APBB2: variants seen among roughly 807,000 people sequenced by gnomAD.
APBB2 encodes amyloid beta precursor protein binding family B member 2.
Under a neutral mutation model 82.5 loss-of-function variants are expected in APBB2, and 38 were observed. That is an observed-to-expected ratio of 0.46 (90% CI 0.36 to 0.60). The LOEUF (loss-of-function observed/expected upper bound fraction) is 0.60, where lower values mean the gene tolerates loss of function less well. Ranked by LOEUF, APBB2 falls within the 20% of genes least tolerant of loss-of-function variation. The probability of loss-of-function intolerance (pLI) is 0.00; values close to 1 mark genes in which losing one functional copy is unlikely to be tolerated. For missense variants in APBB2, 772 were observed against 972.3 expected (o/e 0.79, Z 2.74); for synonymous variants, 341 against 368.2 (o/e 0.93, Z 0.85).
intron 1 of APBB2, among the ~76,000 whole-genome samples, chr4:41,202,463 T>C (rs770483313): frequency 2.0e-5 from 3 of 152,214 alleles, no homozygotes; most frequent in Non-Finnish European, 4.4e-5. Flanking sequence ...CTTTTACTCA[T>C]TGCTAACAGG....
chr4:41,093,446 A>T (rs1184827137), intron 3 of APBB2, among the ~76,000 whole-genome samples: 6 of 152,206 alleles, frequency 3.9e-5, no homozygotes, highest in African/African-American at 1.4e-4. Flanking sequence ...CAAGTGGATA[A>T]GGATTTTTTT....
rs764783601 is a variant in APBB2 at position 40,890,459 on chromosome 4, G to A, written c.1434C>T (p.Asp478=). The A allele has an allele frequency of 1.5e-5, 25 of 1,614,152 alleles. No homozygotes were observed. Among genetic ancestry groups the A allele is most frequent in the Non-Finnish European group, 1.9e-5 (22 of 1,180,026 alleles). ...CCATGGGGTCCACCAGGCTGAGCATGTCATTCTCCAGGATCAGGTACATGT... is the reference window on the plus strand; with the variant it reads ...CCATGGGGTCCACCAGGCTGAGCATATCATTCTCCAGGATCAGGTACATGT... ...GKDMYLILEN[D]MLSLVDPMDR... Residue 478 remains aspartate (D), a synonymous_variant, in exon 12 of 18, where the codon GAC becomes GAT. Coordinates refer to ENST00000508593, the MANE Select transcript of APBB2 (RefSeq NM_004307.2).
intron 10 of APBB2, among the ~76,000 whole-genome samples, chr4:40,896,705 G>T (rs1773763210): frequency 6.6e-6 from 1 of 152,154 alleles, no homozygotes; most frequent in Non-Finnish European, 1.5e-5. Context: ...CAATAGTTCT[G>T]GGGTATCCCT....
At chr4:41,130,051 A>C (rs1327322528) in intron 2 of APBB2, among the ~76,000 whole-genome samples, 1 of 152,188 alleles carries the variant, frequency 6.6e-6, no homozygotes, top group African/African-American at 2.4e-5. Context: ...GACATTATCC[A>C]GGAGGATATC....
At chr4:41,149,304 A>G (rs1761592316) in intron 1 of APBB2, among the ~76,000 whole-genome samples, 1 of 152,174 alleles carries the variant, frequency 6.6e-6, no homozygotes, top group African/African-American at 2.4e-5. Flanking sequence ...AAATTATTTT[A>G]GAAACTAAAC....
chr4:40,928,427 CAA>C (rs1491332369), intron 10 of APBB2, among the ~76,000 whole-genome samples: 2 of 76,592 alleles, frequency 2.6e-5, no homozygotes, highest in Non-Finnish European at 2.9e-5. Context: ...CACACACACA[CAA>C]TCAGCCAGGT....
chr4:40,903,210 C>T (rs1339653911), intron 10 of APBB2, among the ~76,000 whole-genome samples: 1 of 151,282 alleles, frequency 6.6e-6, no homozygotes. Flanking sequence ...CCTGTAATCC[C>T]AGCACTTTGG....
At chr4:41,111,350 A>G (rs1749135571) in intron 2 of APBB2, among the ~76,000 whole-genome samples, 1 of 152,268 alleles carries the variant, frequency 6.6e-6, no homozygotes, top group Non-Finnish European at 1.5e-5. Flanking sequence ...AGCAATCAAT[A>G]AAAATTATGA....
intron 3 of APBB2, among the ~76,000 whole-genome samples, chr4:41,087,011 G>T (rs1244884990): frequency 6.6e-6 from 1 of 152,048 alleles, no homozygotes; most frequent in Non-Finnish European, 1.5e-5. Context: ...ATGGTGGCAT[G>T]TATCTATAGT....
Position 41,159,949 on chromosome 4 carries a change from G to GA in APBB2, c.-416-16808dup, listed in dbSNP as rs1560912987. ...GGAGGAGGAGGAGGAGGAGGAGAAG[G>GA]AGAAGGAGAAGGAGAAGAAGAAGAA... is the stretch of plus-strand genomic sequence containing the variant. On this transcript the variant is annotated intron_variant, in intron 1 of 17. Coordinates refer to ENST00000508593, the MANE Select transcript of APBB2 (RefSeq NM_004307.2). 2.2e-4 allele frequency among the ~76,000 whole-genome samples: 13 copies of GA among 59,024 alleles called. 1 individual carries two copies. The highest frequency in any genetic ancestry group is 8.1e-3 in the Middle Eastern group (1 of 124). The allele number at this position is 59,024 out of a possible 152,430, so 38.7% of individuals were successfully genotyped here. A position where few individuals can be genotyped will look rare whatever the true frequency, so the allele number is the denominator to read the frequency against.
At chr4:40,860,732 C>T (rs774769558) in intron 12 of APBB2, among the ~76,000 whole-genome samples, 2 of 152,186 alleles carry the variant, frequency 1.3e-5, no homozygotes, top group Non-Finnish European at 2.9e-5. Context: ...TCCTGACATA[C>T]AGTAAGTGCT....
chr4:40,952,083 G>A (rs1790335488), intron 6 of APBB2, among the ~76,000 whole-genome samples: 1 of 151,752 alleles, frequency 6.6e-6, no homozygotes, highest in East Asian at 1.9e-4. Flanking sequence ...CTACTAAGGA[G>A]GCTGAGGCAG....
chr4:40,908,824 T>C (rs1777777656), intron 10 of APBB2, among the ~76,000 whole-genome samples: 1 of 152,174 alleles, frequency 6.6e-6, no homozygotes, highest in Non-Finnish European at 1.5e-5. Context: ...CCAAAAGCCC[T>C]GAGGTAGTGT....
chr4:40,932,836 T>G (rs1411140501), intron 10 of APBB2, among the ~76,000 whole-genome samples: 1 of 152,172 alleles, frequency 6.6e-6, no homozygotes, highest in Non-Finnish European at 1.5e-5. Flanking sequence ...CTTTCTTCCG[T>G]ATGCTTTCTC....
intron 6 of APBB2, among the ~76,000 whole-genome samples, chr4:40,956,096 A>C (rs1791573936): frequency 6.6e-6 from 1 of 152,074 alleles, no homozygotes. Context: ...TTCTGATCAC[A>C]CGGTGGCCCT....
At chr4:40,879,207 G>A (rs923269122) in intron 12 of APBB2, among the ~76,000 whole-genome samples, 1 of 151,680 alleles carries the variant, frequency 6.6e-6, no homozygotes, top group Non-Finnish European at 1.5e-5. Context: ...AGACTAGAAC[G>A]TGGGACCTGG....
At chr4:40,904,820 C>T (rs1776276286) in intron 10 of APBB2, among the ~76,000 whole-genome samples, 1 of 151,810 alleles carries the variant, frequency 6.6e-6, no homozygotes, top group Admixed American at 6.6e-5. Flanking sequence ...AGGAATCAGC[C>T]TGATTCATTA....
chr4:41,001,978 C>T (rs1805381248), intron 6 of APBB2, among the ~76,000 whole-genome samples: 1 of 151,952 alleles, frequency 6.6e-6, no homozygotes, highest in Non-Finnish European at 1.5e-5. Context: ...GGGGTCATCT[C>T]ATTCTCTCAC....
At position 40,908,946 on chromosome 4, in the gene APBB2, CT is replaced by C. The variant is rs140931619; in HGVS notation, c.1255-15536del. Among the ~76,000 whole-genome samples the C allele has an allele frequency of 5.8e-3, 883 of 152,338 alleles. 11 individuals are homozygous for C. Among genetic ancestry groups the C allele is most frequent in the African/African-American group, 0.02 (842 of 41,578 alleles). ...GCAAAGGAAATGCCCAGGGAACCGA[CT>C]AACTGCCTGCTAGCTGCGTCCTCCT... is the stretch of plus-strand genomic sequence containing the variant. On this transcript the variant is annotated intron_variant, in intron 10 of 17. Coordinates refer to ENST00000508593, the MANE Select transcript of APBB2 (RefSeq NM_004307.2).
Sources: gnomAD v4.1 joint callset for allele counts (sites outside exome capture counted in the v4.1 genomes callset) on GRCh38, gnomAD v4.1.1 for gene constraint, MANE v1.5 for transcripts, NCBI Gene and HGNC (gene_info 2026-07-23, HGNC 2026-07-21) for gene names.